The following CTNNA3 variants were observed in gnomAD, a reference collection of about 807,000 sequenced individuals.
The protein encoded by CTNNA3 is catenin alpha 3, also known as catenin alpha-3.
In CTNNA3, 76 loss-of-function variants were observed where a neutral mutation model predicts 95.7. The observed-to-expected ratio is 0.79, with a 90% CI of 0.66 to 0.96. The LOEUF is 0.96. CTNNA3 is among the 40% of genes least tolerant of loss of function. CTNNA3 has a pLI of 0.00. For synonymous variants in CTNNA3, 431 were observed against 374.4 expected, an observed-to-expected ratio of 1.15 and a Z score of -1.74; for missense variants, 1,191 against 1,089.8, an observed-to-expected ratio of 1.09 and a Z score of -1.31.
intron 10 of CTNNA3, among the ~76,000 whole-genome samples, chr10:66,598,831 T>A (rs1389872536): frequency 6.6e-6 from 1 of 152,008 alleles, no homozygotes; most frequent in Non-Finnish European, 1.5e-5. Flanking sequence ...TCCTAAGTGA[T>A]CTATAAATTC....
chr10:67,248,664 C>T (rs956364785), intron 5 of CTNNA3, among the ~76,000 whole-genome samples: 9 of 152,010 alleles, frequency 5.9e-5, no homozygotes, highest in African/African-American at 1.9e-4. Context: ...TGGGCTCAAG[C>T]GATCTGCCAG....
intron 1 of CTNNA3, among the ~76,000 whole-genome samples, chr10:67,734,294 TA>T (rs1328216997): frequency 6.6e-6 from 1 of 152,100 alleles, no homozygotes; most frequent in African/African-American, 2.4e-5. Flanking sequence ...CAGATAAGAC[TA>T]AAAAATCAAC....
At chr10:67,456,286 A>T (rs1307307099) in intron 5 of CTNNA3, among the ~76,000 whole-genome samples, 5 of 152,184 alleles carry the variant, frequency 3.3e-5, no homozygotes, top group Non-Finnish European at 2.9e-5. Context: ...CATTTGTGAC[A>T]AGACCTGAAT....
rs191739391 is a variant in CTNNA3, at chr10:66,168,404, C to T, written c.1885-65155G>A. Among the ~76,000 whole-genome samples the T allele has an allele frequency of 9.1e-4, 138 of 152,188 alleles. 2 individuals are homozygous for T. Among genetic ancestry groups the T allele is most frequent in the African/African-American group, 3.2e-3 (133 of 41,516 alleles). On this transcript the variant is annotated intron_variant, in intron 13 of 17. Coordinates refer to ENST00000433211, the MANE Select transcript of CTNNA3 (RefSeq NM_013266.4). ...ATAGTCTGGCCTTTGCCTAACTTTT[C>T]AACCTCATCTTTTATATTTCACCTA...
chr10:66,734,788 G>T (rs749650204), intron 9 of CTNNA3, among the ~76,000 whole-genome samples: 1 of 151,184 alleles, frequency 6.6e-6, no homozygotes, highest in Non-Finnish European at 1.5e-5. Flanking sequence ...TCTTGAACTC[G>T]AGAGGTGGAG....
At chr10:66,928,386 C>G in intron 7 of CTNNA3, 1 of 1,614,148 alleles carries the variant, frequency 6.2e-7, no homozygotes, top group South Asian at 1.1e-5. Context: ...ACACGGAGAC[C>G]AGCGAGATGC....
chr10:67,742,750 G>T (rs11527387), intron 1 of CTNNA3, among the ~76,000 whole-genome samples: 1 of 150,594 alleles, frequency 6.6e-6, no homozygotes, highest in African/African-American at 2.4e-5. Context: ...TTGATAGACC[G>T]CTAGCAAGAC....
rs144213146 is a variant in CTNNA3 at position 66,747,903 on chromosome 10, C to T, written c.1281+18361G>A. Among the ~76,000 whole-genome samples, 740 of 152,288 alleles carry T rather than the reference C, an allele frequency of 4.9e-3. 6 individuals are homozygous for T. The highest frequency in any genetic ancestry group is 0.017 in the African/African-American group (698 of 41,548). ...AACAATCATAAAAATAATACAATTA[C>T]GTCCACAGTGAGGGGATTTTTTTCT... On this transcript the variant is annotated intron_variant, in intron 9 of 17. Transcript: ENST00000433211.
chr10:66,785,589 A>C (rs929097239), intron 7 of CTNNA3, among the ~76,000 whole-genome samples: 2 of 152,024 alleles, frequency 1.3e-5, no homozygotes, highest in Admixed American at 6.6e-5. Flanking sequence ...CCTTGTACTA[A>C]GCCTTTGGCC....
intron 1 of CTNNA3, among the ~76,000 whole-genome samples, chr10:67,739,915 A>G (rs573732582): frequency 1.3e-5 from 2 of 152,300 alleles, no homozygotes; most frequent in African/African-American, 4.8e-5. Flanking sequence ...CTATACTACA[A>G]GGCTACAGTA....
At chr10:66,592,317 G>A (rs1477413215) in intron 10 of CTNNA3, among the ~76,000 whole-genome samples, 1 of 152,068 alleles carries the variant, frequency 6.6e-6, no homozygotes, top group Non-Finnish European at 1.5e-5. Context: ...TTCCATAAAT[G>A]TCAGATTATT....
intron 1 of CTNNA3, among the ~76,000 whole-genome samples, chr10:67,702,758 G>A (rs543430981): frequency 2.0e-4 from 30 of 152,040 alleles, no homozygotes; most frequent in African/African-American, 7.0e-4. Flanking sequence ...CTAGCAGAAG[G>A]CAAGAAATAA....
At chr10:67,443,618 C>G (rs936079864) in intron 5 of CTNNA3, among the ~76,000 whole-genome samples, 1 of 152,092 alleles carries the variant, frequency 6.6e-6, no homozygotes, top group Non-Finnish European at 1.5e-5. Context: ...CTGTTCATAT[C>G]CTTTGCCCAC....
At chr10:67,045,459 C>T (rs556259932) in intron 7 of CTNNA3, among the ~76,000 whole-genome samples, 1 of 151,678 alleles carries the variant, frequency 6.6e-6, no homozygotes, top group African/African-American at 2.4e-5. Context: ...TTTTACAAAC[C>T]CTTGTGTTGC....
At chr10:67,590,211 G>A (rs1294135924) in intron 3 of CTNNA3, among the ~76,000 whole-genome samples, 1 of 151,920 alleles carries the variant, frequency 6.6e-6, no homozygotes, top group African/African-American at 2.4e-5. Flanking sequence ...ACTCACATAA[G>A]CCAAACAAAG....
At chr10:65,981,876 C>T (rs2078326767) in intron 16 of CTNNA3, among the ~76,000 whole-genome samples, 1 of 151,808 alleles carries the variant, frequency 6.6e-6, no homozygotes, top group African/African-American at 2.4e-5. Flanking sequence ...AAATCTAAGA[C>T]CTAAAACCAT....
chr10:66,375,775 A>C (rs2092792473), intron 12 of CTNNA3, among the ~76,000 whole-genome samples: 1 of 152,194 alleles, frequency 6.6e-6, no homozygotes, highest in Admixed American at 6.5e-5. Context: ...TTTACAACAA[A>C]ATTTTAGAAA....
At chr10:67,376,483 A>G (rs1418670363) in intron 5 of CTNNA3, among the ~76,000 whole-genome samples, 1 of 152,218 alleles carries the variant, frequency 6.6e-6, no homozygotes. Flanking sequence ...CAAACAGTTG[A>G]TTTCTGGGAT....
intron 1 of CTNNA3, among the ~76,000 whole-genome samples, chr10:67,747,949 A>C (rs1205485598): frequency 1.3e-5 from 2 of 152,212 alleles, no homozygotes; most frequent in East Asian, 1.9e-4. Context: ...ATAGCACGAG[A>C]ACTTTGTGAT....
Sources: gnomAD v4.1 joint callset for allele counts (sites outside exome capture counted in the v4.1 genomes callset) on GRCh38, gnomAD v4.1.1 for gene constraint, MANE v1.5 for transcripts, NCBI Gene and HGNC (gene_info 2026-07-23, HGNC 2026-07-21) for gene names.